Variants in CEBPZOS observed in about 807,000 individuals in gnomAD.
CEBPZOS encodes the protein CEBPZ opposite strand, also known as protein CEBPZOS.
A neutral mutation model predicts 4.8 loss-of-function variants in CEBPZOS; 10 were observed. The ratio of observed to expected loss-of-function variants is 2.07; its 90% CI spans 1.28 to 3.52. The LOEUF (loss-of-function observed/expected upper bound fraction) is 3.52, where lower values mean the gene tolerates loss of function less well. Among genes scored for constraint, CEBPZOS ranks in the 30% most tolerant of loss-of-function variants. The probability of loss-of-function intolerance (pLI) is 0.00; values close to 1 mark genes in which losing one functional copy is unlikely to be tolerated. For missense variants in CEBPZOS, 98 were observed against 43.6 expected (o/e 2.25, Z -3.51); for synonymous variants, 25 against 14.2 (o/e 1.77, Z -1.72).
chr2:37,199,432 G>A (rs866023102), intron 1 of CEBPZOS, among the ~76,000 whole-genome samples: 1 of 152,060 alleles, frequency 6.6e-6, no homozygotes, highest in Non-Finnish European at 1.5e-5. Flanking sequence ...TTTTAGTTCC[G>A]TAAATTGTTC....
intron 2 of CEBPZOS, among the ~76,000 whole-genome samples, chr2:37,200,838 C>G (rs1558461230): frequency 6.6e-6 from 1 of 152,134 alleles, no homozygotes; most frequent in Non-Finnish European, 1.5e-5. Context: ...GACTGTGCCA[C>G]TGTACTGCAG....
downstream of CEBPZOS, among the ~76,000 whole-genome samples, chr2:37,208,333 T>C (rs935103470): frequency 2.0e-5 from 3 of 151,782 alleles, no homozygotes; most frequent in East Asian, 5.8e-4. Flanking sequence ...AATCAGGAAA[T>C]GACATAACAA....
At chr2:37,205,065 A>G (rs567488910), downstream of CEBPZOS, among the ~76,000 whole-genome samples, 16 of 152,358 alleles carry the variant, frequency 1.1e-4, no homozygotes, top group Middle Eastern at 3.4e-3. Flanking sequence ...TCAAGGGAAG[A>G]CAAAATCTGG....
At position 37,201,183 on chromosome 2, in the gene CEBPZOS, A is replaced by G. The variant is rs1253107638; in HGVS notation, c.160+91A>G. On this transcript the variant is annotated intron_variant, in intron 3 of 4. Coordinates refer to ENST00000402297, the MANE Select transcript of CEBPZOS (RefSeq NM_001322374.2). ...GTAATTTCTTTACAAGGAATTTCTA[A>G]CAATACTATTCACATGTATTTTAGT... The G allele has an allele frequency of 6.0e-6, 4 of 667,934 alleles. No individual in the cohort carries two copies. The African/African-American group carries it at 7.3e-5, about 12-fold the overall frequency. 41.4% of individuals were successfully genotyped at this position (667,934 alleles called of 1,614,324 possible).
In CEBPZOS at chr2:37,199,830, T is replaced by C; in HGVS notation, c.115+11T>C. On this transcript the variant is annotated intron_variant, in intron 2 of 4. Transcript: ENST00000402297. Reference sequence around the variant, plus strand: ...TGCACACAAGCCAAGGTAATCATAATTCAGAAGTTAATGCTTTCTAAAGGG... The same window carrying C: ...TGCACACAAGCCAAGGTAATCATAACTCAGAAGTTAATGCTTTCTAAAGGG... 1.4e-6 allele frequency: 1 copy of C among 717,110 alleles called. No individual in the cohort carries two copies. Among genetic ancestry groups the C allele is most frequent in the South Asian group, 1.5e-5 (1 of 67,542 alleles). 44.4% of individuals were successfully genotyped at this position (717,110 alleles called of 1,614,324 possible).
intron 4 of CEBPZOS, chr2:37,211,188 C>T (rs1218113479): frequency 4.6e-6 from 3 of 648,500 alleles, no homozygotes; most frequent in Non-Finnish European, 7.7e-6. Context: ...AGGCACTATA[C>T]TGCTATTCCA....
Position 37,196,995 on chromosome 2 carries a change from C to T in CEBPZOS, c.-2+475C>T, listed in dbSNP as rs554079822. On this transcript the variant is annotated intron_variant, in intron 1 of 4. Transcript: ENST00000402297. ...GGGAGGCCGCCCCGATTCCCTGGAG[C>T]GCATCCCGGGATAAGGGGCTTCCGA... 3.3e-5 allele frequency among the ~76,000 whole-genome samples: 5 copies of T among 152,336 alleles called. No individual in the cohort carries two copies. In the South Asian group the frequency reaches 6.2e-4, roughly 19 times the overall value.
In CEBPZOS at chr2:37,202,667, AAAAAAAAAAAAAAAAAAAAAAAAAAG is replaced by A; in HGVS notation, c.*810_*835del. 1.6e-5 allele frequency: 1 copy of A among 62,612 alleles called. No homozygotes were observed. The highest frequency in any genetic ancestry group is 6.7e-4 in the South Asian group (1 of 1,496). The allele number at this position is 62,612 out of a possible 1,614,324, so 3.9% of individuals were successfully genotyped here. Reference sequence around the variant, plus strand: ...CTCAAAAAAAAAAAAAAAAAAAAAAAAAAAAAAAAAAAAAAAAAAAAAAAAGAATAAATAAAATAACGAAAATTTCC... The same window carrying A: ...CTCAAAAAAAAAAAAAAAAAAAAAAAAATAAATAAAATAACGAAAATTTCC... On this transcript the variant is annotated 3_prime_UTR_variant, in exon 5 of 5. Coordinates refer to ENST00000402297, the MANE Select transcript of CEBPZOS (RefSeq NM_001322374.2).
chr2:37,211,132 G>C (rs201041713), intron 4 of CEBPZOS: 23 of 1,190,856 alleles, frequency 1.9e-5, no homozygotes. Flanking sequence ...CAATAAGACT[G>C]GAAAATATTA....
At chr2:37,212,795 G>GATC (rs2148349957) in intron 4 of CEBPZOS, 1 of 141,610 alleles carries the variant, frequency 7.1e-6, no homozygotes, top group Admixed American at 7.7e-5. Flanking sequence ...GAGGTGGAGT[G>GATC]ATCATCAGCC....
intron 4 of CEBPZOS, chr2:37,210,377 C>T (rs1242249317): frequency 6.6e-6 from 1 of 152,130 alleles, no homozygotes; most frequent in African/African-American, 2.4e-5. Flanking sequence ...AACCTAAATG[C>T]CCATCAACTA....
At chr2:37,216,112 G>A, downstream of CEBPZOS, 1 of 1,522,202 alleles carries the variant, frequency 6.6e-7, no homozygotes, top group East Asian at 2.3e-5. Context: ...TGTCTTTTCA[G>A]TTTCAACTGT....
chr2:37,212,516 T>C (rs2148349603), intron 4 of CEBPZOS: 1 of 792,930 alleles, frequency 1.3e-6, no homozygotes, highest in East Asian at 2.4e-5. Flanking sequence ...ACCAAAACAA[T>C]GTAAATGTTA....
intron 1 of CEBPZOS, chr2:37,198,369 T>C (rs1677051239): frequency 1.3e-5 from 2 of 152,198 alleles, no homozygotes; most frequent in Admixed American, 1.3e-4. Context: ...TTTAATCTTT[T>C]GGTCCCCAGG....
chr2:37,205,433 A>AC (rs1411669271), downstream of CEBPZOS, among the ~76,000 whole-genome samples: 1 of 151,738 alleles, frequency 6.6e-6, no homozygotes, highest in African/African-American at 2.4e-5. Context: ...GCACCTTGTG[A>AC]CCCCCACTCC....
chr2:37,207,068 A>T (rs185965535), downstream of CEBPZOS, among the ~76,000 whole-genome samples: 4 of 152,340 alleles, frequency 2.6e-5, no homozygotes, highest in Admixed American at 6.5e-5. Context: ...GGGACATTAC[A>T]TACTAGTAAA....
In CEBPZOS at chr2:37,196,536, G is replaced by C. The variant is rs995788084; in HGVS notation, c.-2+16G>C. ...CGCACCTCAGGTAAGACTCTGGCGA[G>C]TGGCTTCCCATGGGCGGTCGGATTT... is the stretch of plus-strand genomic sequence containing the variant. On this transcript the variant is annotated intron_variant, in intron 1 of 4. Coordinates refer to ENST00000402297, the MANE Select transcript of CEBPZOS (RefSeq NM_001322374.2). The C allele has an allele frequency of 2.6e-5, 4 of 152,292 alleles. No individual in the cohort carries two copies. The highest frequency in any genetic ancestry group is 1.3e-4 in the Admixed American group (2 of 15,288). 9.4% of individuals were successfully genotyped at this position (152,292 alleles called of 1,614,324 possible).
chr2:37,212,469 T>A (rs959058526), intron 4 of CEBPZOS: 1 of 1,233,076 alleles, frequency 8.1e-7, no homozygotes, highest in South Asian at 1.3e-5. Flanking sequence ...GAATCAATTA[T>A]TCTAAGTCAT....
chr2:37,203,025 GTCTACATTATTCAATTATAAA>G lies in CEBPZOS; in HGVS notation c.*1170_*1190del. The G allele has an allele frequency of 6.8e-7, 1 of 1,476,278 alleles. No individual in the cohort carries two copies. 91.4% of individuals were successfully genotyped at this position (1,476,278 alleles called of 1,614,324 possible). On this transcript the variant is annotated 3_prime_UTR_variant, in exon 5 of 5. Coordinates refer to ENST00000402297, the MANE Select transcript of CEBPZOS (RefSeq NM_001322374.2). ...TTCTTGGCCCTAAAAAAAATTGTAA[GTCTACATTATTCAATTATAAA>G]TCTAATGATTTTAGAAAAATGCAAT...
Sources: allele counts gnomAD v4.1 joint callset (sites outside exome capture counted in the v4.1 genomes callset), GRCh38; gene constraint gnomAD v4.1.1; transcripts MANE v1.5; gene names NCBI Gene and HGNC (gene_info 2026-07-23, HGNC 2026-07-21).